The following KIAA0513 variants were observed in gnomAD, a reference collection of about 807,000 sequenced individuals.
KIAA0513 encodes uncharacterized protein KIAA0513.
Under a neutral mutation model 56.5 loss-of-function variants are expected in KIAA0513, and 39 were observed. The ratio of observed to expected loss-of-function variants is 0.69; its 90% CI spans 0.53 to 0.90. The LOEUF (loss-of-function observed/expected upper bound fraction) is 0.90. Ranked by LOEUF, KIAA0513 falls within the 40% of genes least tolerant of loss-of-function variation. KIAA0513 has a pLI of 0.00. For missense variants in KIAA0513, 591 were observed against 535.2 expected (o/e 1.10, Z -1.03); for synonymous variants, 268 against 215.6 (o/e 1.24, Z -2.13).
intron 1 of KIAA0513, among the ~76,000 whole-genome samples, chr16:85,057,788 C>G (rs867420083): frequency 4.1e-5 from 6 of 147,438 alleles, no homozygotes; most frequent in Admixed American, 1.3e-4. Flanking sequence ...TTTTTTCTCT[C>G]TCTCTCCTTT....
At chr16:85,040,168 A>G (rs1410691580) in intron 1 of KIAA0513, among the ~76,000 whole-genome samples, 5 of 152,202 alleles carry the variant, frequency 3.3e-5, no homozygotes, top group Admixed American at 3.3e-4. Context: ...AAGTGCAGAG[A>G]TTGAGATTCT....
chr16:85,060,590 G>A (rs1050510652), intron 1 of KIAA0513, among the ~76,000 whole-genome samples: 4 of 152,178 alleles, frequency 2.6e-5, no homozygotes, highest in Admixed American at 6.5e-5. Context: ...TGTAATCCCA[G>A]CACTTTGGGA....
chr16:85,062,851 C>G (rs886760556), intron 1 of KIAA0513, among the ~76,000 whole-genome samples: 10 of 152,190 alleles, frequency 6.6e-5, no homozygotes, highest in African/African-American at 2.2e-4. Context: ...GACTGTGACC[C>G]TGCAATGTGA....
chr16:85,084,242 T>G (rs1235510347), intron 10 of KIAA0513, among the ~76,000 whole-genome samples: 1 of 121,306 alleles, frequency 8.2e-6, no homozygotes, highest in Non-Finnish European at 1.8e-5. Context: ...CTCTTTTCTT[T>G]TCTTTTTCTT....
At chr16:85,049,281 T>C (rs1483879317) in intron 1 of KIAA0513, among the ~76,000 whole-genome samples, 1 of 152,226 alleles carries the variant, frequency 6.6e-6, no homozygotes. Context: ...TTTCCTCCCA[T>C]AGAGGCATGG....
chr16:85,072,815 C>G (rs1020112945), intron 3 of KIAA0513, 110 bp from the exon 4 acceptor site: 3 of 1,070,694 alleles, frequency 2.8e-6, no homozygotes, highest in Non-Finnish European at 4.3e-6. Flanking sequence ...CATCCTGGGC[C>G]CCCATCCCAG....
At chr16:85,050,518 G>A (rs1373229532) in intron 1 of KIAA0513, among the ~76,000 whole-genome samples, 1 of 151,964 alleles carries the variant, frequency 6.6e-6, no homozygotes, top group Non-Finnish European at 1.5e-5. Flanking sequence ...GTTTCACCAT[G>A]TTGGCCAGGC....
chr16:85,034,307 G>C (rs186036895), intron 1 of KIAA0513, among the ~76,000 whole-genome samples: 3 of 152,238 alleles, frequency 2.0e-5, no homozygotes, highest in East Asian at 3.9e-4. Flanking sequence ...TTGAACCTGG[G>C]GGGTGGAGGC....
intron 8 of KIAA0513, chr16:85,079,245 C>A: frequency 1.3e-6 from 1 of 762,152 alleles, no homozygotes; most frequent in Non-Finnish European, 2.0e-6. Flanking sequence ...CTGGCAGTTC[C>A]TTTAAAGGTG....
At chr16:85,070,224 A>G (rs1056306209) in intron 2 of KIAA0513, among the ~76,000 whole-genome samples, 1 of 151,900 alleles carries the variant, frequency 6.6e-6, no homozygotes, top group Non-Finnish European at 1.5e-5. Context: ...TGCAGAGTCC[A>G]TTGTTTCCAC....
chr16:85,086,600 C>A (rs1383138186), intron 10 of KIAA0513, 44 bp from the exon 11 acceptor site: 3 of 1,571,592 alleles, frequency 1.9e-6, no homozygotes, highest in Non-Finnish European at 1.7e-6. Flanking sequence ...GGGGCAAGGA[C>A]AGCACCATCT....
At chr16:85,086,992 G>T (rs946713327) in intron 11 of KIAA0513, 80 bp from the exon 12 acceptor site, 164 of 1,346,806 alleles carry the variant, frequency 1.2e-4, no homozygotes, top group Non-Finnish European at 1.7e-4. Flanking sequence ...CATGGTGGGC[G>T]TCCCAGAGAC....
At chr16:85,087,242 T>C in intron 12 of KIAA0513, 76 bp downstream of exon 12, 1 of 1,174,008 alleles carries the variant, frequency 8.5e-7, no homozygotes, top group Non-Finnish European at 1.3e-6. Context: ...CGCTGGCGCT[T>C]CTGCACTGCC....
At chr16:85,065,389 G>C (rs751083246) in intron 1 of KIAA0513, among the ~76,000 whole-genome samples, 1 of 152,204 alleles carries the variant, frequency 6.6e-6, no homozygotes, top group Non-Finnish European at 1.5e-5. Context: ...AGTCCTTGGT[G>C]CTGTCCTGGC....
rs543284790 is a variant in KIAA0513 at position 85,087,741 on chromosome 16, C to T, written c.1187-535C>T. On this transcript the variant is annotated intron_variant, in intron 12 of 12. Coordinates refer to ENST00000683363, the MANE Select transcript of KIAA0513 (RefSeq NM_001388359.1). ...TCATCGAAAAGGACTTACACTTAGG[C>T]GTGGGTACGGATTGACCCATATTCT... Among the ~76,000 whole-genome samples, 5 of 152,350 alleles carry T rather than the reference C, an allele frequency of 3.3e-5. No homozygotes were observed. The East Asian group carries it at 5.8e-4, about 18-fold the overall frequency.
At chr16:85,078,353 C>CT in intron 6 of KIAA0513, 62 bp from the exon 7 acceptor site, 1 of 1,586,538 alleles carries the variant, frequency 6.3e-7, no homozygotes, top group Non-Finnish European at 8.6e-7. Flanking sequence ...AGAACAGCGT[C>CT]TTTGAGTTGA....
chr16:85,078,812 G>C, intron 7 of KIAA0513, 113 bp from the exon 8 acceptor site: 1 of 1,143,062 alleles, frequency 8.7e-7, no homozygotes, highest in Non-Finnish European at 1.3e-6. Flanking sequence ...TTTGCATCAC[G>C]TGTTTCAGTG....
chr16:85,078,740 C>T (rs1355782202), intron 7 of KIAA0513, among the ~76,000 whole-genome samples, 185 bp from the exon 8 acceptor site: 1 of 152,244 alleles, frequency 6.6e-6, no homozygotes, highest in African/African-American at 2.4e-5. Flanking sequence ...AGAAGAAGTC[C>T]TTATTGCCGG....
intron 1 of KIAA0513, among the ~76,000 whole-genome samples, chr16:85,028,825 G>T (rs890712405): frequency 6.6e-6 from 1 of 152,206 alleles, no homozygotes; most frequent in East Asian, 1.9e-4. Context: ...CGCCCCTGAC[G>T]TGGAAGTAGT....
Sources: allele counts gnomAD v4.1 joint callset (sites outside exome capture counted in the v4.1 genomes callset), GRCh38; gene constraint gnomAD v4.1.1; transcripts MANE v1.5; gene names NCBI Gene and HGNC (gene_info 2026-07-23, HGNC 2026-07-21).